The following PRKG1 variants were observed in gnomAD, a reference collection of about 807,000 sequenced individuals.
PRKG1 encodes the protein protein kinase cGMP-dependent 1, also known as cGMP-dependent protein kinase 1.
Under a neutral mutation model 88.1 loss-of-function variants are expected in PRKG1, and 35 were observed. The observed-to-expected ratio is 0.40, with a 90% CI of 0.30 to 0.53. The LOEUF (loss-of-function observed/expected upper bound fraction) is 0.53, where lower values mean the gene tolerates loss of function less well. PRKG1 is among the 20% of genes least tolerant of loss of function. The pLI, the probability that PRKG1 is intolerant of heterozygous loss-of-function variation, is 0.59. For synonymous variants in PRKG1, 303 were observed against 292.5 expected, an observed-to-expected ratio of 1.04 and a Z score of -0.37; for missense variants, 540 against 839.8, an observed-to-expected ratio of 0.64 and a Z score of 4.41.
At chr10:51,239,271 A>T (rs1019588919) in intron 2 of PRKG1, among the ~76,000 whole-genome samples, 7 of 152,196 alleles carry the variant, frequency 4.6e-5, no homozygotes, top group Non-Finnish European at 1.0e-4. Flanking sequence ...ACATACGAAA[A>T]CAATGCAGGA....
intron 2 of PRKG1, among the ~76,000 whole-genome samples, chr10:51,358,280 A>C (rs896560478): frequency 2.6e-5 from 4 of 151,892 alleles, no homozygotes; most frequent in African/African-American, 9.7e-5. Flanking sequence ...GAGCAATCCA[A>C]GATACCAAGG....
At position 51,698,203 on chromosome 10, in the gene PRKG1, T is replaced by C. The variant is rs747127200; in HGVS notation, c.593-106382T>C. 16 of 1,614,152 alleles carry C rather than the reference T, an allele frequency of 9.9e-6. No homozygotes were observed. The East Asian group carries it at 3.3e-4, about 34-fold the overall frequency. On this transcript the variant is annotated intron_variant, in intron 3 of 17. Transcript: ENST00000373980. The stretch of plus-strand genomic sequence containing the variant: ...ATCCTCTTGCATCCATGCCCCTTGC[T>C]TCCATCCCTCTGGTTTCCATCGCAC...
chr10:51,869,701 AAGAG>A (rs757746610), intron 4 of PRKG1, among the ~76,000 whole-genome samples: 49 of 152,286 alleles, frequency 3.2e-4, no homozygotes, highest in Non-Finnish European at 5.7e-4. Context: ...CATAATTATG[AAGAG>A]AGAAAGGAGA....
intron 5 of PRKG1, among the ~76,000 whole-genome samples, chr10:51,921,394 C>T (rs184072930): frequency 6.6e-6 from 1 of 152,124 alleles, no homozygotes; most frequent in East Asian, 1.9e-4. Flanking sequence ...CCATCTGTCT[C>T]TCTTTTATTT....
chr10:51,387,302 T>TTA lies in PRKG1; in HGVS notation c.479-80412_479-80411dup, dbSNP rs978092450. The stretch of plus-strand genomic sequence containing the variant: ...TGGTCCTCTTGAAATGTTATATATT[T>TTA]TATATATATACATATAAATAAAAAT... On this transcript the variant is annotated intron_variant, in intron 2 of 17. Coordinates refer to ENST00000373980, the MANE Select transcript of PRKG1 (RefSeq NM_006258.4). Among the ~76,000 whole-genome samples the TTA allele has an allele frequency of 8.0e-5, 12 of 149,396 alleles. No homozygotes were observed. In the South Asian group the frequency reaches 8.4e-4, roughly 10 times the overall value.
chr10:51,432,504 C>G (rs1838798547), intron 2 of PRKG1, among the ~76,000 whole-genome samples: 1 of 152,130 alleles, frequency 6.6e-6, no homozygotes, highest in Non-Finnish European at 1.5e-5. Context: ...CATAGTCCAA[C>G]AGATGTTTAA....
intron 5 of PRKG1, among the ~76,000 whole-genome samples, chr10:51,947,055 T>G (rs1843056901): frequency 6.6e-6 from 1 of 152,226 alleles, no homozygotes. Flanking sequence ...GTCTGTGCCC[T>G]GCCCCCAGAT....
At chr10:51,058,782 T>C (rs1843662582) in intron 1 of PRKG1, among the ~76,000 whole-genome samples, 2 of 152,178 alleles carry the variant, frequency 1.3e-5, no homozygotes, top group Admixed American at 6.5e-5. Context: ...TTTAGAAGCT[T>C]ATCTTATCTC....
At chr10:51,698,453 T>A (rs1273137267) in intron 3 of PRKG1, 1 of 1,614,128 alleles carries the variant, frequency 6.2e-7, no homozygotes. Flanking sequence ...ACCAGAGGCA[T>A]GATGCATGGG....
intron 14 of PRKG1, among the ~76,000 whole-genome samples, chr10:52,285,805 G>A (rs1842105280): frequency 1.3e-5 from 2 of 151,888 alleles, no homozygotes; most frequent in Non-Finnish European, 2.9e-5. Flanking sequence ...GACCATTACA[G>A]AACTGAAAGT....
At chr10:52,270,725 TG>T (rs905588409) in intron 10 of PRKG1, among the ~76,000 whole-genome samples, 1 of 60,478 alleles carries the variant, frequency 1.7e-5, no homozygotes, top group Non-Finnish European at 3.0e-5. Flanking sequence ...TGTTGTGGGG[TG>T]GGGGGAGGGG....
chr10:51,046,486 A>C (rs1843489637), intron 1 of PRKG1, among the ~76,000 whole-genome samples: 1 of 152,218 alleles, frequency 6.6e-6, no homozygotes, highest in African/African-American at 2.4e-5. Flanking sequence ...TCAATATGAA[A>C]ATCAGGTTAT....
intron 2 of PRKG1, among the ~76,000 whole-genome samples, chr10:51,284,438 C>T (rs1840381464): frequency 6.6e-6 from 1 of 152,132 alleles, no homozygotes; most frequent in Non-Finnish European, 1.5e-5. Context: ...AAACTCAGGG[C>T]CGATTTTCCT....
chr10:51,754,516 G>A (rs1837807826), intron 3 of PRKG1, among the ~76,000 whole-genome samples: 1 of 152,182 alleles, frequency 6.6e-6, no homozygotes, highest in South Asian at 2.1e-4. Flanking sequence ...AGTAAGGCTA[G>A]CTTGAAGCAA....
rs533616054 is a variant in PRKG1, at chr10:52,279,123, T to C, written c.1404-1666T>C. Among the ~76,000 whole-genome samples, 115 of 152,238 alleles carry C rather than the reference T, an allele frequency of 7.6e-4. 1 individual carries two copies. Among genetic ancestry groups the C allele is most frequent in the African/African-American group, 2.7e-3 (113 of 41,556 alleles). ...TCAAATGAAAGAAACATGCTACTCT[T>C]GACAGGTAAACATACTTAATTAAGG... On this transcript the variant is annotated intron_variant, in intron 12 of 17. Transcript: ENST00000373980.
chr10:51,276,697 G>C (rs1840129048), intron 2 of PRKG1, among the ~76,000 whole-genome samples: 1 of 152,088 alleles, frequency 6.6e-6, no homozygotes, highest in South Asian at 2.1e-4. Flanking sequence ...GTTTTGATTT[G>C]CATTTCTCTG....
intron 3 of PRKG1, among the ~76,000 whole-genome samples, chr10:51,599,297 C>T (rs149338459): frequency 2.6e-5 from 4 of 152,088 alleles, no homozygotes; most frequent in Admixed American, 1.3e-4. Flanking sequence ...AGAGGCACTA[C>T]TAAACATCCC....
chr10:51,622,075 A>G (rs916128170), intron 3 of PRKG1, among the ~76,000 whole-genome samples: 1 of 152,206 alleles, frequency 6.6e-6, no homozygotes, highest in African/African-American at 2.4e-5. Flanking sequence ...ATCTGATGAC[A>G]TGTGGCTCTG....
At chr10:51,118,870 G>A (rs1845197940) in intron 1 of PRKG1, among the ~76,000 whole-genome samples, 1 of 152,066 alleles carries the variant, frequency 6.6e-6, no homozygotes, top group Admixed American at 6.6e-5. Context: ...TAATTGAAGG[G>A]AAAAGCAACA....
Sources: allele counts gnomAD v4.1 joint callset (sites outside exome capture counted in the v4.1 genomes callset), GRCh38; gene constraint gnomAD v4.1.1; transcripts MANE v1.5; gene names NCBI Gene and HGNC (gene_info 2026-07-23, HGNC 2026-07-21).